The following SETD3 variants were observed in gnomAD, a reference collection of about 807,000 sequenced individuals.
SETD3 encodes actin-histidine N-methyltransferase.
In SETD3, 19 loss-of-function variants were observed where a neutral mutation model predicts 63.0. That is an observed-to-expected ratio of 0.30 (90% CI 0.21 to 0.44). The LOEUF is 0.44. Among genes scored for constraint, SETD3 ranks in the 20% least tolerant of loss-of-function variants. The pLI is 1.00. For missense variants in SETD3, 587 were observed against 728.5 expected (o/e 0.81, Z 2.24); for synonymous variants, 286 against 264.1 (o/e 1.08, Z -0.80).
chr14:99,434,354 A>G (rs1306500817), intron 6 of SETD3, among the ~76,000 whole-genome samples: 1 of 151,872 alleles, frequency 6.6e-6, no homozygotes, highest in African/African-American at 2.4e-5. Context: ...CAAAGCACCC[A>G]AAGGCCTTAG....
intron 8 of SETD3, among the ~76,000 whole-genome samples, chr14:99,408,170 G>A (rs1435050748): frequency 6.6e-6 from 1 of 152,188 alleles, no homozygotes; most frequent in Admixed American, 6.5e-5. Context: ...GGAAGGCCAT[G>A]TAACACTAAT....
intron 6 of SETD3, among the ~76,000 whole-genome samples, chr14:99,443,898 T>C (rs562235009): frequency 1.3e-5 from 2 of 152,230 alleles, no homozygotes; most frequent in Non-Finnish European, 2.9e-5. Flanking sequence ...AGCAGGGTCA[T>C]GACTCTTGGA....
chr14:99,417,679 C>T (rs1227073203), intron 6 of SETD3, among the ~76,000 whole-genome samples: 2 of 152,200 alleles, frequency 1.3e-5, no homozygotes, highest in Non-Finnish European at 1.5e-5. Flanking sequence ...ATGTGAATCC[C>T]TAATTCAGAA....
the SETD3 span, among the ~76,000 whole-genome samples, chr14:99,486,247 C>T: frequency 3.4e-4 from 51 of 152,228 alleles, no homozygotes; most frequent in Admixed American, 1.1e-3. Flanking sequence ...AATTTCCCTA[C>T]TTCTTGGACC....
At chr14:99,443,924 C>T (rs1187231162) in intron 6 of SETD3, among the ~76,000 whole-genome samples, 1 of 152,206 alleles carries the variant, frequency 6.6e-6, no homozygotes, top group Non-Finnish European at 1.5e-5. Context: ...GCTAGGACTA[C>T]ACTGCTGAGT....
At chr14:99,480,184 C>A (rs998067614) in intron 1 of SETD3, among the ~76,000 whole-genome samples, 8 of 152,130 alleles carry the variant, frequency 5.3e-5, no homozygotes, top group African/African-American at 1.9e-4. Flanking sequence ...CCCTGGTGGG[C>A]ACCGAGAACT....
At chr14:99,422,213 G>A (rs1288434111) in intron 6 of SETD3, among the ~76,000 whole-genome samples, 3 of 152,192 alleles carry the variant, frequency 2.0e-5, no homozygotes, top group East Asian at 3.8e-4. Flanking sequence ...ATACATGTAT[G>A]AGAGAGGTCA....
intron 6 of SETD3, among the ~76,000 whole-genome samples, chr14:99,453,393 T>C (rs1406773493): frequency 6.6e-6 from 1 of 152,180 alleles, no homozygotes; most frequent in Admixed American, 6.5e-5. Context: ...TTTGCTTAAG[T>C]GTGTTTTGCT....
At chr14:99,439,139 AC>A (rs1893649509) in intron 6 of SETD3, among the ~76,000 whole-genome samples, 1 of 152,188 alleles carries the variant, frequency 6.6e-6, no homozygotes, top group South Asian at 2.1e-4. Context: ...ACTACAGGCA[AC>A]CCTGGGAGAT....
intron 6 of SETD3, among the ~76,000 whole-genome samples, chr14:99,436,866 C>T (rs1414187906): frequency 6.6e-6 from 1 of 152,174 alleles, no homozygotes; most frequent in African/African-American, 2.4e-5. Flanking sequence ...TAGCAAGATT[C>T]CTGAGCACCT....
At chr14:99,422,089 G>C (rs1283437275) in intron 6 of SETD3, among the ~76,000 whole-genome samples, 1 of 152,194 alleles carries the variant, frequency 6.6e-6, no homozygotes, top group East Asian at 1.9e-4. Flanking sequence ...ACCATGTTTA[G>C]CTGTTAAGTC....
intron 10 of SETD3, among the ~76,000 whole-genome samples, chr14:99,404,940 G>A (rs1346017813): frequency 2.0e-5 from 3 of 152,294 alleles, no homozygotes; most frequent in East Asian, 1.9e-4. Context: ...TGAATGATAC[G>A]AAAGTAGTTA....
At chr14:99,483,986 T>C (rs1896419976), upstream of SETD3, among the ~76,000 whole-genome samples, 1 of 152,222 alleles carries the variant, frequency 6.6e-6, no homozygotes, top group South Asian at 2.1e-4. Context: ...TGAAATATAA[T>C]AATAGGCCAG....
chr14:99,414,090 C>T (rs1892155365), intron 6 of SETD3, among the ~76,000 whole-genome samples, 156 bp from the exon 7 acceptor site: 1 of 152,276 alleles, frequency 6.6e-6, no homozygotes. Flanking sequence ...GATCATCGCG[C>T]TGTTATGCTC....
In SETD3 at chr14:99,465,780, G is replaced by A. The variant is rs779957227; in HGVS notation, c.26C>T (p.Thr9Ile). The A allele has an allele frequency of 1.2e-6, 2 of 1,613,954 alleles. No individual in the cohort carries two copies. Among genetic ancestry groups the A allele is most frequent in the Non-Finnish European group, 1.7e-6 (2 of 1,179,888 alleles). The change falls in exon 2 of 13, where the codon ACT (threonine) becomes ATT (isoleucine). Residue 9 changes from threonine (T) to isoleucine (I), a missense_variant. Coordinates refer to ENST00000331768, the MANE Select transcript of SETD3 (RefSeq NM_032233.3). ...TGTAGCACCAGTGCCAGATTTCTGA[G>A]TTTTTACTCGACTCTTCTTACCCAT... is the stretch of plus-strand genomic sequence containing the variant. MGKKSRVK[T>I]QKSGTGATAT...
At chr14:99,461,641 A>G (rs1230617165) in intron 3 of SETD3, among the ~76,000 whole-genome samples, 1 of 152,248 alleles carries the variant, frequency 6.6e-6, no homozygotes, top group Non-Finnish European at 1.5e-5. Flanking sequence ...GAGAGCTTCT[A>G]TTACCACTAC....
chr14:99,418,876 A>T (rs1455072824), intron 6 of SETD3, among the ~76,000 whole-genome samples: 2 of 152,162 alleles, frequency 1.3e-5, no homozygotes, highest in Non-Finnish European at 2.9e-5. Flanking sequence ...GCAGGAGAAA[A>T]ATTTACACTA....
intron 4 of SETD3, among the ~76,000 whole-genome samples, chr14:99,459,824 A>T (rs1024167460): frequency 6.6e-6 from 1 of 152,192 alleles, no homozygotes; most frequent in Non-Finnish European, 1.5e-5. Context: ...AACATGTGGG[A>T]GACAGCAAGA....
chr14:99,453,435 C>T (rs1246009220), intron 6 of SETD3, among the ~76,000 whole-genome samples: 1 of 152,168 alleles, frequency 6.6e-6, no homozygotes, highest in African/African-American at 2.4e-5. Flanking sequence ...AAGCTCTTAG[C>T]CCACAGCCTA....
Sources: gnomAD v4.1 joint callset for allele counts (sites outside exome capture counted in the v4.1 genomes callset) on GRCh38, gnomAD v4.1.1 for gene constraint, MANE v1.5 for transcripts, NCBI Gene and HGNC (gene_info 2026-07-23, HGNC 2026-07-21) for gene names.